NDST4: variants seen among roughly 807,000 people sequenced by gnomAD.
NDST4 encodes N-deacetylase and N-sulfotransferase 4.
In NDST4, 63 loss-of-function variants were observed where a neutral mutation model predicts 100.8. That is an observed-to-expected ratio of 0.62 (90% CI 0.51 to 0.77). NDST4 has a LOEUF of 0.77. NDST4 is among the 30% of genes least tolerant of loss of function. The pLI is 0.00. For missense variants in NDST4, 943 were observed against 1,018.4 expected (o/e 0.93, Z 1.01); for synonymous variants, 377 against 361.8 (o/e 1.04, Z -0.48).
chr4:114,828,212 G>GA (rs1051747829), intron 13 of NDST4, among the ~76,000 whole-genome samples: 2 of 151,972 alleles, frequency 1.3e-5, no homozygotes, highest in African/African-American at 4.8e-5. Context: ...TACACAGAAA[G>GA]AAAAAACGAT....
At chr4:114,962,612 C>A (rs1392471647) in intron 4 of NDST4, among the ~76,000 whole-genome samples, 1 of 151,778 alleles carries the variant, frequency 6.6e-6, no homozygotes, top group East Asian at 1.9e-4. Context: ...CAAAGAAGTT[C>A]AAAATTTAGA....
intron 2 of NDST4, among the ~76,000 whole-genome samples, chr4:114,988,455 G>A (rs544529020): frequency 2.2e-5 from 3 of 136,008 alleles, no homozygotes; most frequent in African/African-American, 5.6e-5. Flanking sequence ...TCCACCTCCC[G>A]GGTTCATGCC....
chr4:115,040,851 C>CATAT (rs536401651), intron 2 of NDST4, among the ~76,000 whole-genome samples: 162 of 150,632 alleles, frequency 1.1e-3, no homozygotes, highest in African/African-American at 3.8e-3. Context: ...TCTATATGTG[C>CATAT]ATATATATAT....
chr4:114,900,005 C>CT (rs1724800771), intron 6 of NDST4, among the ~76,000 whole-genome samples: 1 of 152,078 alleles, frequency 6.6e-6, no homozygotes, highest in Admixed American at 6.6e-5. Context: ...GACTGAATTT[C>CT]TTTAATAGAT....
rs147829291 is a variant in NDST4 at position 114,898,422 on chromosome 4, T to C, written c.1537-27472A>G. On this transcript the variant is annotated intron_variant, in intron 6 of 13. Transcript: ENST00000264363. ...ATCTTCCATTGATCTATTTGTCTGT[T>C]GTTTCATTAGCACACTGTATTTGAT... is the stretch of plus-strand genomic sequence containing the variant. Among the ~76,000 whole-genome samples the C allele has an allele frequency of 8.7e-4, 132 of 152,338 alleles. 2 individuals are homozygous for C. Among genetic ancestry groups the C allele is most frequent in the African/African-American group, 2.9e-3 (121 of 41,582 alleles).
Position 114,937,394 on chromosome 4 carries a change from T to G in NDST4, c.1331A>C (p.Gln444Pro), listed in dbSNP as rs1287425361. The G allele has an allele frequency of 2.5e-6, 4 of 1,614,078 alleles. No individual in the cohort carries two copies. Residue 444 changes from glutamine (Q) to proline (P), a missense_variant, in exon 5 of 14, where the codon CAA becomes CCA. By Grantham distance (76) the Gln-to-Pro change is moderately conservative. Transcript: ENST00000264363. ...YAAWKKVWGI[Q>P]VTSTEEYPHL... is the part of the protein sequence containing the mutation. Reference sequence around the variant, plus strand: ...TGGATATTCTTCAGTGCTGGTGACTTGAATACCCCAGACCTTCTTCCAAGC... The same window carrying G: ...TGGATATTCTTCAGTGCTGGTGACTGGAATACCCCAGACCTTCTTCCAAGC...
intron 4 of NDST4, among the ~76,000 whole-genome samples, chr4:114,945,166 C>A (rs779744497): frequency 7.7e-6 from 1 of 129,992 alleles, no homozygotes; most frequent in Non-Finnish European, 1.6e-5. Context: ...CGAGATCATG[C>A]CATTGCTCTC....
At chr4:114,927,543 C>T (rs753677283) in intron 6 of NDST4, among the ~76,000 whole-genome samples, 6 of 151,668 alleles carry the variant, frequency 4.0e-5, no homozygotes, top group Non-Finnish European at 7.4e-5. Context: ...AAATTTCACC[C>T]TGTTAGATTT....
chr4:114,845,747 C>A lies in NDST4; in HGVS notation c.2115+76G>T, dbSNP rs543526207. On this transcript the variant is annotated intron_variant, in intron 10 of 13. Transcript: ENST00000264363. ...ATTTGACTTTTCATATGTTTAGGTT[C>A]TATTCTGGTTATTTTTCATTGCCTC... is the stretch of plus-strand genomic sequence containing the variant. The A allele has an allele frequency of 2.2e-5, 30 of 1,349,174 alleles. 1 individual carries two copies. In the South Asian group the frequency reaches 4.3e-4, roughly 19 times the overall value. 83.6% of individuals were successfully genotyped at this position (1,349,174 alleles called of 1,614,324 possible).
intron 2 of NDST4, among the ~76,000 whole-genome samples, chr4:114,988,350 A>ATTTTTTT (rs1560846225): frequency 3.9e-5 from 3 of 76,696 alleles, no homozygotes; most frequent in African/African-American, 1.1e-4. Flanking sequence ...AGATACACAT[A>ATTTTTTT]TCTTTTTTTT....
intron 4 of NDST4, among the ~76,000 whole-genome samples, chr4:114,942,497 C>T (rs1364134838): frequency 6.6e-6 from 1 of 152,030 alleles, no homozygotes; most frequent in Non-Finnish European, 1.5e-5. Context: ...ACTAACATTT[C>T]CTTAGTAGAG....
At chr4:115,079,471 A>G (rs945809078) in intron 1 of NDST4, among the ~76,000 whole-genome samples, 1 of 152,038 alleles carries the variant, frequency 6.6e-6, no homozygotes, top group Non-Finnish European at 1.5e-5. Flanking sequence ...TCAATGAATT[A>G]CTTTCTATAC....
At chr4:114,959,502 G>T (rs996440994) in intron 4 of NDST4, among the ~76,000 whole-genome samples, 2 of 152,136 alleles carry the variant, frequency 1.3e-5, no homozygotes, top group African/African-American at 4.8e-5. Context: ...GCAGGCAATA[G>T]GGCATATGAG....
intron 7 of NDST4, among the ~76,000 whole-genome samples, chr4:114,869,896 T>C (rs1046052226): frequency 6.6e-6 from 1 of 152,102 alleles, no homozygotes; most frequent in Middle Eastern, 3.2e-3. Context: ...TGGCATGTAA[T>C]ATGATTTATG....
chr4:114,877,145 C>T (rs1724272761), intron 6 of NDST4, among the ~76,000 whole-genome samples: 1 of 152,114 alleles, frequency 6.6e-6, no homozygotes, highest in South Asian at 2.1e-4. Flanking sequence ...TTTCTTATTC[C>T]ATGGTTCTCC....
chr4:115,018,150 A>C (rs904345172), intron 2 of NDST4, among the ~76,000 whole-genome samples: 3 of 151,950 alleles, frequency 2.0e-5, no homozygotes, highest in Non-Finnish European at 4.4e-5. Context: ...TTATAATTAT[A>C]AATGAAATGA....
intron 6 of NDST4, among the ~76,000 whole-genome samples, chr4:114,933,456 T>TTTTTTTTTA (rs1337610741): frequency 7.5e-6 from 1 of 133,334 alleles, no homozygotes; most frequent in Non-Finnish European, 1.6e-5. Context: ...TTTTTTTTTG[T>TTTTTTTTTA]GTGTAAAAAC....
chr4:114,941,104 A>G (rs929700944), intron 4 of NDST4, among the ~76,000 whole-genome samples: 1 of 152,174 alleles, frequency 6.6e-6, no homozygotes, highest in Non-Finnish European at 1.5e-5. Flanking sequence ...TTCCTGCCTC[A>G]TGTCTGCATC....
At chr4:115,080,344 C>T (rs561097939) in intron 1 of NDST4, among the ~76,000 whole-genome samples, 16 of 152,164 alleles carry the variant, frequency 1.1e-4, no homozygotes, top group African/African-American at 3.9e-4. Flanking sequence ...ACCATGTTGG[C>T]CAGGCTGGTC....
Sources: allele counts gnomAD v4.1 joint callset (sites outside exome capture counted in the v4.1 genomes callset), GRCh38; gene constraint gnomAD v4.1.1; transcripts MANE v1.5; gene names NCBI Gene and HGNC (gene_info 2026-07-23, HGNC 2026-07-21).